The following BCR variants were observed in gnomAD, a reference collection of about 807,000 sequenced individuals.
BCR encodes the protein BCR activator of RhoGEF and GTPase, also known as breakpoint cluster region protein.
A neutral mutation model predicts 138.6 loss-of-function variants in BCR; 58 were observed. The ratio of observed to expected loss-of-function variants is 0.42; its 90% CI spans 0.34 to 0.52. The LOEUF (loss-of-function observed/expected upper bound fraction) is 0.52, where lower values mean the gene tolerates loss of function less well. Among genes scored for constraint, BCR ranks in the 20% least tolerant of loss-of-function variants. The pLI is 0.06. For synonymous variants in BCR, 786 were observed against 730.1 expected (o/e 1.08, Z -1.23); for missense variants, 1,599 against 1,727.2 (o/e 0.93, Z 1.32).
At chr22:23,298,964 G>GC (rs2146315971) in intron 16 of BCR, among the ~76,000 whole-genome samples, 1 of 152,148 alleles carries the variant, frequency 6.6e-6, no homozygotes, top group South Asian at 2.1e-4. Context: ...TGTTCCTGCT[G>GC]CAACAGACCC....
intron 8 of BCR, among the ~76,000 whole-genome samples, chr22:23,280,175 A>G (rs546253460): frequency 6.6e-6 from 1 of 152,164 alleles, no homozygotes; most frequent in Non-Finnish European, 1.5e-5. Flanking sequence ...CAGCCCTAAC[A>G]GTATGCTTCT....
rs763167457 is a variant in BCR at position 23,248,246 on chromosome 22, A to G, written c.1280-5553A>G. Reference sequence around the variant, plus strand: ...GTAATCACAGCTACTTGGGAGGCCAAGGCAGGAGAATCACTTGAACCCAGG... The same window carrying G: ...GTAATCACAGCTACTTGGGAGGCCAGGGCAGGAGAATCACTTGAACCCAGG... On this transcript the variant is annotated intron_variant, in intron 1 of 22. Transcript: ENST00000305877. 7.9e-5 allele frequency among the ~76,000 whole-genome samples: 12 copies of G among 152,206 alleles called. 1 individual carries two copies. The Middle Eastern group carries it at 0.01, about 129-fold the overall frequency.
chr22:23,251,843 C>A (rs1274096739), intron 1 of BCR, among the ~76,000 whole-genome samples: 4 of 152,168 alleles, frequency 2.6e-5, no homozygotes, highest in African/African-American at 7.2e-5. Flanking sequence ...GAGAAGGGAT[C>A]CTCACATGAG....
chr22:23,311,671 A>G (rs776466986), intron 18 of BCR, 26 bp from the exon 19 acceptor site: 4 of 1,554,392 alleles, frequency 2.6e-6, no homozygotes, highest in Non-Finnish European at 3.5e-6. Context: ...CTGTTAGGAC[A>G]CTGAGAACAT....
intron 1 of BCR, among the ~76,000 whole-genome samples, chr22:23,185,077 G>A (rs2072322237): frequency 1.3e-5 from 2 of 152,178 alleles, no homozygotes; most frequent in African/African-American, 4.8e-5. Flanking sequence ...CCCTGGGCAC[G>A]GTGACAAAGT....
intron 4 of BCR, among the ~76,000 whole-genome samples, chr22:23,266,671 G>A (rs572724273): frequency 3.3e-4 from 51 of 152,292 alleles, no homozygotes; most frequent in African/African-American, 1.1e-3. Context: ...ATTACAGGCC[G>A]CCGTGCCCAG....
At chr22:23,233,500 A>G (rs1801054547) in intron 1 of BCR, among the ~76,000 whole-genome samples, 1 of 152,148 alleles carries the variant, frequency 6.6e-6, no homozygotes, top group African/African-American at 2.4e-5. Flanking sequence ...CACATTCTTC[A>G]GAAGAGGCCA....
At position 23,277,125 on chromosome 22, in the gene BCR, C is replaced by T. The variant is rs117102304; in HGVS notation, c.2115+3351C>T. Among the ~76,000 whole-genome samples the T allele has an allele frequency of 2.4e-4, 36 of 152,368 alleles. 1 individual carries two copies. The East Asian group carries it at 6.6e-3, about 28-fold the overall frequency. On this transcript the variant is annotated intron_variant, in intron 8 of 22. Transcript: ENST00000305877. ...TAGAATTTGCAGCCAGGGGCAGGGC[C>T]TGAACTTTTCTCAGTTCTGCCCATC... is the stretch of plus-strand genomic sequence containing the variant.
rs779618702 is a variant in BCR at position 23,313,756 on chromosome 22, C to G, written c.3458-212C>G. On this transcript the variant is annotated intron_variant, in intron 20 of 22. Transcript: ENST00000305877. The stretch of plus-strand genomic sequence containing the variant: ...GCTGCTGTTTGCCGGGTGCTGCTGA[C>G]CCCTGCGAGGTAGAGAAAAGGCGTT... Among the ~76,000 whole-genome samples, 16 of 152,278 alleles carry G rather than the reference C, an allele frequency of 1.1e-4. 1 individual carries two copies. The highest frequency in any genetic ancestry group is 3.4e-4 in the African/African-American group (14 of 41,548).
At chr22:23,203,745 T>C (rs1244903730) in intron 1 of BCR, among the ~76,000 whole-genome samples, 1 of 152,144 alleles carries the variant, frequency 6.6e-6, no homozygotes, top group Non-Finnish European at 1.5e-5. Flanking sequence ...AGTTTATTGC[T>C]GTTGTGGGCT....
chr22:23,185,313 T>C lies in BCR; in HGVS notation c.1279+3074T>C, dbSNP rs557002957. ...AGGTTCAGGGCGTCCTTCCAGTCTTTGCACCCTGGGCCCGCCTGTGGGGGT... is the reference window on the plus strand; with the variant it reads ...AGGTTCAGGGCGTCCTTCCAGTCTTCGCACCCTGGGCCCGCCTGTGGGGGT... On this transcript the variant is annotated intron_variant, in intron 1 of 22. Coordinates refer to ENST00000305877, the MANE Select transcript of BCR (RefSeq NM_004327.4). Among the ~76,000 whole-genome samples the C allele has an allele frequency of 9.7e-4, 148 of 152,270 alleles. 1 individual carries two copies. The highest frequency in any genetic ancestry group is 1.9e-4 in the Non-Finnish European group (13 of 68,012).
chr22:23,229,970 G>A (rs2072937487), intron 1 of BCR, among the ~76,000 whole-genome samples: 1 of 152,070 alleles, frequency 6.6e-6, no homozygotes, highest in African/African-American at 2.4e-5. Context: ...GGGGAAAGGT[G>A]GATAAAGCCA....
chr22:23,216,951 C>G, intron 1 of BCR: 2 of 399,528 alleles, frequency 5.0e-6, no homozygotes, highest in Non-Finnish European at 1.0e-5. Flanking sequence ...TCTGTTGGTA[C>G]AGTGTGTCGC....
At chr22:23,260,727 G>A (rs2073346713) in intron 2 of BCR, 4 of 528,596 alleles carry the variant, frequency 7.6e-6, no homozygotes, top group South Asian at 5.9e-5. Context: ...GGGTGGCCCT[G>A]GTGTTGCCAG....
At chr22:23,285,305 G>T in intron 10 of BCR, 104 bp downstream of exon 10, 3 of 1,314,760 alleles carry the variant, frequency 2.3e-6, no homozygotes, top group Non-Finnish European at 3.1e-6. Flanking sequence ...TGGGCCCCAG[G>T]TCTGGTCTCT....
Position 23,180,881 on chromosome 22 carries a change from G to T in BCR, c.-80G>T, listed in dbSNP as rs1409274126. On this transcript the variant is annotated 5_prime_UTR_variant, in exon 1 of 23. Coordinates refer to ENST00000305877, the MANE Select transcript of BCR (RefSeq NM_004327.4). ...CCATGGGGGCCGCCCGGCGCCCGGGGCCGGGCTGGCGAGGCGCCGCGCCGC... is the reference window on the plus strand; with the variant it reads ...CCATGGGGGCCGCCCGGCGCCCGGGTCCGGGCTGGCGAGGCGCCGCGCCGC... The T allele has an allele frequency of 1.3e-5, 10 of 781,232 alleles. No individual in the cohort carries two copies. The highest frequency in any genetic ancestry group is 1.4e-5 in the Non-Finnish European group (10 of 713,770). The allele number at this position is 781,232 out of a possible 1,614,324, so 48.4% of individuals were successfully genotyped here.
chr22:23,285,889 A>G (rs1474066129), intron 10 of BCR, among the ~76,000 whole-genome samples: 1 of 152,226 alleles, frequency 6.6e-6, no homozygotes, highest in Non-Finnish European at 1.5e-5. Context: ...AAATGCCTGG[A>G]TGGTCCTTTT....
chr22:23,270,003 C>G lies in BCR; in HGVS notation c.1860+1488C>G, dbSNP rs144297964. ...GGCTCAGGACCAGCTGCAAACCGAC[C>G]CACCGTGAAAGTTTGTGGCACCTGC... On this transcript the variant is annotated intron_variant, in intron 5 of 22. Coordinates refer to ENST00000305877, the MANE Select transcript of BCR (RefSeq NM_004327.4). Among the ~76,000 whole-genome samples, 221 of 152,144 alleles carry G rather than the reference C, an allele frequency of 1.5e-3. 1 individual carries two copies. The highest frequency in any genetic ancestry group is 5.2e-3 in the African/African-American group (216 of 41,514).
intron 4 of BCR, chr22:23,262,979 T>C (rs2073385159): frequency 1.1e-6 from 1 of 918,218 alleles, no homozygotes; most frequent in Non-Finnish European, 1.5e-6. Context: ...TCAAAGGAGA[T>C]GAGGGGAGCG....
Sources: allele counts gnomAD v4.1 joint callset (sites outside exome capture counted in the v4.1 genomes callset), GRCh38; gene constraint gnomAD v4.1.1; transcripts MANE v1.5; gene names NCBI Gene and HGNC (gene_info 2026-07-23, HGNC 2026-07-21).